Variants in PARVB observed in about 807,000 individuals in gnomAD.
The protein encoded by PARVB is beta-parvin.
PARVB carries 46 observed loss-of-function variants against 47.0 expected under a neutral mutation model. The observed-to-expected ratio is 0.98, with a 90% CI of 0.77 to 1.25. The LOEUF is 1.25. Ranked by LOEUF, PARVB falls within the 50% of genes most tolerant of loss-of-function variation. The probability of loss-of-function intolerance (pLI) is 0.00; values close to 1 mark genes in which losing one functional copy is unlikely to be tolerated. For missense variants in PARVB, 473 were observed against 471.6 expected (o/e 1.00, Z -0.03); for synonymous variants, 196 against 196.3 (o/e 1.00, Z 0.01).
chr22:44,058,984 G>C (rs1006249959), intron 1 of PARVB, among the ~76,000 whole-genome samples: 2 of 151,680 alleles, frequency 1.3e-5, no homozygotes, highest in South Asian at 2.1e-4. Flanking sequence ...GTGTGATGGG[G>C]GGGGGAAACA....
rs528822203 is a variant in PARVB at position 44,061,805 on chromosome 22, C to T, written c.113-32123C>T. Among the ~76,000 whole-genome samples the T allele has an allele frequency of 7.9e-5, 12 of 151,890 alleles. No homozygotes were observed. In the East Asian group the frequency reaches 1.4e-3, roughly 17 times the overall value. On this transcript the variant is annotated intron_variant, in intron 1 of 12. Coordinates refer to ENST00000338758, the MANE Select transcript of PARVB (RefSeq NM_013327.5). ...CTAATTTTTGTATCTTTAGTAGAGA[C>T]GGGGTTTCACCATATTGGTCAGGCT...
At chr22:44,025,463 C>T (rs974693932) in intron 1 of PARVB, among the ~76,000 whole-genome samples, 1 of 152,104 alleles carries the variant, frequency 6.6e-6, no homozygotes, top group Non-Finnish European at 1.5e-5. Flanking sequence ...CCCCCATGCA[C>T]CTGCTCCCCA....
chr22:44,028,038 C>A (rs1482231324), intron 1 of PARVB, among the ~76,000 whole-genome samples: 4 of 150,910 alleles, frequency 2.7e-5, no homozygotes, highest in Non-Finnish European at 5.9e-5. Context: ...ACAAAGTGTC[C>A]CCACCTATCC....
intron 1 of PARVB, among the ~76,000 whole-genome samples, chr22:44,026,028 A>C (rs762671723): frequency 3.9e-5 from 6 of 152,218 alleles, no homozygotes; most frequent in Non-Finnish European, 8.8e-5. Flanking sequence ...TGAGGAGGGG[A>C]CACTTGAGTG....
chr22:44,041,746 C>T (rs577245717), intron 1 of PARVB, among the ~76,000 whole-genome samples: 2 of 151,626 alleles, frequency 1.3e-5, no homozygotes, highest in South Asian at 2.1e-4. Flanking sequence ...AATAGCCAGG[C>T]GTGGTGGCCC....
At chr22:44,158,944 C>T (rs2053993798) in intron 11 of PARVB, among the ~76,000 whole-genome samples, 2 of 152,222 alleles carry the variant, frequency 1.3e-5, no homozygotes, top group South Asian at 4.1e-4. Flanking sequence ...TATCAATCTG[C>T]CCACTTCTGG....
chr22:44,006,253 T>A (rs1342147405), intron 2 of PARVB, among the ~76,000 whole-genome samples: 2 of 151,794 alleles, frequency 1.3e-5, no homozygotes, highest in East Asian at 3.9e-4. Flanking sequence ...ACCAGGCCCA[T>A]GGAATGCTTT....
intron 4 of PARVB, among the ~76,000 whole-genome samples, chr22:44,123,441 T>C (rs377066655): frequency 6.6e-6 from 1 of 152,128 alleles, no homozygotes; most frequent in Non-Finnish European, 1.5e-5. Flanking sequence ...CAAGACAGGG[T>C]CTCACTCCAT....
rs1037200716 is a variant in PARVB at position 44,125,312 on chromosome 22, C to T, written c.376+6172C>T. Among the ~76,000 whole-genome samples, 5 of 152,102 alleles carry T rather than the reference C, an allele frequency of 3.3e-5. No homozygotes were observed. The highest frequency in any genetic ancestry group is 3.9e-4 in the East Asian group (2 of 5,190). ...AGTGGGAAACAAGAGAGATGAGCCC[C>T]GCACCCTGCGCCTGCCCACTCCCCC... On this transcript the variant is annotated intron_variant, in intron 4 of 12. Coordinates refer to ENST00000338758, the MANE Select transcript of PARVB (RefSeq NM_013327.5). The surrounding 1 kb of genome is among the most constrained non-coding windows in gnomAD (Gnocchi z 4.1).
At position 44,006,494 on chromosome 22, in the gene PARVB, A is replaced by G. The variant is rs1330695142; in HGVS notation, c.211+6821A>G. Among the ~76,000 whole-genome samples, 5 of 152,128 alleles carry G rather than the reference A, an allele frequency of 3.3e-5. No homozygotes were observed. The East Asian group carries it at 5.8e-4, about 18-fold the overall frequency. On this transcript the variant is annotated intron_variant, in intron 2 of 13. Coordinates refer to the PARVB transcript ENST00000406477. ...CAGAAAATCAGTCGGGCGTGGTGGC[A>G]TGCGCCTGTAGTCCCAGCTACTTGG... is the stretch of plus-strand genomic sequence containing the variant.
intron 5 of PARVB, among the ~76,000 whole-genome samples, chr22:44,132,528 G>A (rs2053350670): frequency 6.6e-6 from 1 of 152,198 alleles, no homozygotes; most frequent in South Asian, 2.1e-4. Flanking sequence ...TAGTGCCAGA[G>A]ATAATAACGC....
chr22:44,081,963 A>G (rs1178086976), intron 1 of PARVB, among the ~76,000 whole-genome samples: 2 of 152,244 alleles, frequency 1.3e-5, no homozygotes, highest in Admixed American at 1.3e-4. Context: ...AATGTGACAG[A>G]CGCAGCCTCT....
rs1387869461 is a variant in PARVB, at chr22:44,168,825, C to G, written c.*147C>G. On this transcript the variant is annotated 3_prime_UTR_variant, in exon 13 of 13. Transcript: ENST00000338758. ...TCCCCACCCCACCCCTACCTCACGC[C>G]TGCCCCACCCCCTGCCTCTTTTGGT... The G allele has an allele frequency of 2.3e-5, 14 of 604,204 alleles. No homozygotes were observed. The highest frequency in any genetic ancestry group is 8.5e-5 in the Admixed American group (3 of 35,418). 37.4% of individuals were successfully genotyped at this position (604,204 alleles called of 1,614,324 possible).
rs1316388015 is a variant in PARVB at position 44,087,844 on chromosome 22, G to GT, written c.113-6083dup. 2.6e-4 allele frequency among the ~76,000 whole-genome samples: 27 copies of GT among 102,372 alleles called. No homozygotes were observed. The East Asian group carries it at 4.9e-3, about 19-fold the overall frequency. 67.2% of individuals were successfully genotyped at this position (102,372 alleles called of 152,430 possible). ...TTGTAATTCCAAATCAGGAACGATGGTGTTTTTTTTTTTTTTTTTCTTTTT... is the reference window on the plus strand; with the variant it reads ...TTGTAATTCCAAATCAGGAACGATGGTTGTTTTTTTTTTTTTTTTTCTTTTT... On this transcript the variant is annotated intron_variant, in intron 1 of 12. Transcript: ENST00000338758.
intron 5 of PARVB, among the ~76,000 whole-genome samples, chr22:44,132,019 A>G (rs537323862): frequency 4.5e-4 from 68 of 152,278 alleles, no homozygotes; most frequent in African/African-American, 1.5e-3. Context: ...GCATTATGAG[A>G]TGTGACATCA....
intron 1 of PARVB, chr22:44,069,110 T>A: frequency 6.2e-7 from 1 of 1,611,852 alleles, no homozygotes; most frequent in Admixed American, 1.7e-5. Context: ...CCCTCCGACG[T>A]CCGCCGGCTG....
chr22:44,116,550 A>G (rs1463717426), intron 3 of PARVB, among the ~76,000 whole-genome samples: 1 of 152,182 alleles, frequency 6.6e-6, no homozygotes, highest in East Asian at 1.9e-4. Context: ...TAGTCCACCC[A>G]TTCACCACAT....
chr22:44,152,851 G>A (rs916285933), intron 10 of PARVB: 1 of 152,164 alleles, frequency 6.6e-6, no homozygotes, highest in African/African-American at 2.4e-5. Context: ...CAAGGTGAAT[G>A]CATTCATTCC....
intron 12 of PARVB, among the ~76,000 whole-genome samples, chr22:44,166,464 C>T (rs1277138193): frequency 6.6e-6 from 1 of 152,226 alleles, no homozygotes; most frequent in African/African-American, 2.4e-5. Flanking sequence ...CCAGGATATC[C>T]TCTGACAGGC....
Sources: gnomAD v4.1 joint callset for allele counts (sites outside exome capture counted in the v4.1 genomes callset) on GRCh38, gnomAD v4.1.1 for gene constraint, Gnocchi (gnomAD v3.1) non-coding constraint, MANE v1.5 for transcripts, NCBI Gene and HGNC (gene_info 2026-07-23, HGNC 2026-07-21) for gene names.